CAP2: variants seen among roughly 807,000 people sequenced by gnomAD.
The protein encoded by CAP2 is adenylyl cyclase-associated protein 2.
Under a neutral mutation model 57.7 loss-of-function variants are expected in CAP2, and 24 were observed. The observed-to-expected ratio is 0.42, with a 90% CI of 0.30 to 0.58. CAP2 has a LOEUF of 0.58. Among genes scored for constraint, CAP2 ranks in the 20% least tolerant of loss-of-function variants. The pLI is 0.22. For synonymous variants in CAP2, 194 were observed against 207.2 expected (o/e 0.94, Z 0.55); for missense variants, 501 against 590.3 (o/e 0.85, Z 1.57).
chr6:17,481,444 C>CAA (rs201619310), intron 4 of CAP2, among the ~76,000 whole-genome samples: 34 of 52,908 alleles, frequency 6.4e-4, no homozygotes, highest in African/African-American at 3.2e-3. Flanking sequence ...TTCTAGGAAA[C>CAA]AAAAAAAACT....
intron 3 of CAP2, among the ~76,000 whole-genome samples, chr6:17,443,574 G>GACACACACACACAC (rs3075206): frequency 1.3e-5 from 2 of 150,028 alleles, no homozygotes; most frequent in South Asian, 4.3e-4. Context: ...AAAACACACA[G>GACACACACACACAC]ACACACACAC....
At chr6:17,536,390 C>G (rs568975515) in intron 7 of CAP2, 2 of 433,132 alleles carry the variant, frequency 4.6e-6, no homozygotes, top group Non-Finnish European at 9.3e-6. Flanking sequence ...AACAAGAGCC[C>G]GGTATTGTGC....
At chr6:17,538,913 AC>A (rs1200224598) in intron 7 of CAP2, among the ~76,000 whole-genome samples, 1 of 152,206 alleles carries the variant, frequency 6.6e-6, no homozygotes, top group Non-Finnish European at 1.5e-5. Flanking sequence ...CAATTGGATC[AC>A]TTTTTTCTTG....
rs558142232 is a variant in CAP2 at position 17,476,279 on chromosome 6, T to TA, written c.300+13212dup. ...TGAATTCTAACTGCAGTACAGCTCATAAAAAAGTCTATATCATAACTTACC... is the reference window on the plus strand; with the variant it reads ...TGAATTCTAACTGCAGTACAGCTCATAAAAAAAGTCTATATCATAACTTACC... On this transcript the variant is annotated intron_variant, in intron 4 of 12. Transcript: ENST00000229922. 6.4e-4 allele frequency among the ~76,000 whole-genome samples: 98 copies of TA among 152,344 alleles called. No homozygotes were observed. The East Asian group carries it at 0.018, about 28-fold the overall frequency.
rs141895525 is a variant in CAP2, at chr6:17,494,222, C to T, written c.301-12947C>T. ...AACCACATCATGTTATTCCTCTGCT[C>T]AAAACTCCATGGTGATCTCCGCTTT... On this transcript the variant is annotated intron_variant, in intron 4 of 12. Coordinates refer to ENST00000229922, the MANE Select transcript of CAP2 (RefSeq NM_006366.3). 2.0e-5 allele frequency among the ~76,000 whole-genome samples: 3 copies of T among 152,298 alleles called. No homozygotes were observed. In the East Asian group the frequency reaches 5.8e-4, roughly 29 times the overall value.
intron 1 of CAP2, among the ~76,000 whole-genome samples, chr6:17,410,824 G>T (rs1759125010): frequency 6.6e-6 from 1 of 152,176 alleles, no homozygotes; most frequent in Non-Finnish European, 1.5e-5. Flanking sequence ...CTCCCAAAGT[G>T]CTGGGACTAC....
At chr6:17,454,549 T>A (rs1455079737) in intron 3 of CAP2, among the ~76,000 whole-genome samples, 1 of 152,210 alleles carries the variant, frequency 6.6e-6, no homozygotes, top group Non-Finnish European at 1.5e-5. Flanking sequence ...TAATCTCCCA[T>A]TATCATGGCT....
chr6:17,535,970 C>A (rs1016599614), intron 7 of CAP2, among the ~76,000 whole-genome samples: 5 of 152,120 alleles, frequency 3.3e-5, no homozygotes, highest in African/African-American at 9.7e-5. Context: ...AGGCGTGAGC[C>A]ACCACACCCA....
At chr6:17,407,903 C>A (rs1759025401) in intron 1 of CAP2, among the ~76,000 whole-genome samples, 1 of 152,022 alleles carries the variant, frequency 6.6e-6, no homozygotes, top group Non-Finnish European at 1.5e-5. Context: ...CCTGGCTATT[C>A]CATCACACTT....
intron 3 of CAP2, among the ~76,000 whole-genome samples, chr6:17,462,609 G>C (rs1415858891): frequency 6.6e-6 from 1 of 152,078 alleles, no homozygotes; most frequent in Admixed American, 6.5e-5. Context: ...TGTCTCTATA[G>C]ATTTGCTTCT....
chr6:17,503,242 A>G (rs1313896809), intron 4 of CAP2, among the ~76,000 whole-genome samples: 3 of 152,174 alleles, frequency 2.0e-5, no homozygotes, highest in African/African-American at 7.2e-5. Flanking sequence ...TCCAGGATCA[A>G]GGTGACGGCA....
intron 11 of CAP2, among the ~76,000 whole-genome samples, chr6:17,549,779 G>A (rs1763129376): frequency 6.6e-6 from 1 of 152,150 alleles, no homozygotes; most frequent in Non-Finnish European, 1.5e-5. Flanking sequence ...CTAAGGAAGT[G>A]AAACAATGAG....
intron 7 of CAP2, among the ~76,000 whole-genome samples, chr6:17,519,820 A>G (rs973366451): frequency 6.6e-6 from 1 of 152,206 alleles, no homozygotes; most frequent in African/African-American, 2.4e-5. Flanking sequence ...AATGCAGACT[A>G]TTATCCTGTT....
chr6:17,424,032 C>T (rs1759513542), intron 2 of CAP2, among the ~76,000 whole-genome samples: 1 of 152,118 alleles, frequency 6.6e-6, no homozygotes, highest in Admixed American at 6.5e-5. Flanking sequence ...CAACCTTTTA[C>T]CTTACATGTA....
At chr6:17,509,420 G>T (rs888437419) in intron 6 of CAP2, among the ~76,000 whole-genome samples, 7 of 152,142 alleles carry the variant, frequency 4.6e-5, no homozygotes, top group African/African-American at 1.7e-4. Context: ...GCTCACTCCT[G>T]TAATCCCAGC....
intron 4 of CAP2, among the ~76,000 whole-genome samples, chr6:17,480,801 G>A (rs965405073): frequency 6.9e-6 from 1 of 144,830 alleles, no homozygotes; most frequent in Non-Finnish European, 1.5e-5. Context: ...TTGAGACAGA[G>A]TTTGCTCTTT....
In CAP2 at chr6:17,405,201, G is replaced by A. The variant is rs918510366; in HGVS notation, c.-2+11455G>A. On this transcript the variant is annotated intron_variant, in intron 1 of 12. Transcript: ENST00000229922. ...ATTCGAGATCAGCCTGGCCAACATG[G>A]TGAAACCCCAACTCTACTAAAAATA... Among the ~76,000 whole-genome samples, 7 of 152,242 alleles carry A rather than the reference G, an allele frequency of 4.6e-5. No homozygotes were observed. In the South Asian group the frequency reaches 6.2e-4, roughly 14 times the overall value.
Position 17,513,370 on chromosome 6 carries a change from G to A in CAP2, c.531-479G>A. On this transcript the variant is annotated intron_variant, in intron 6 of 12. Transcript: ENST00000229922. This position sits in a 1 kb window ranked among gnomAD's most constrained non-coding sequence, Gnocchi z 4.3. ...ATAATGGCTAAAATTCTCCAATTTG[G>A]TTATACTTTTAACCAAATAATTCAA... Among the ~76,000 whole-genome samples, 1 of 151,974 alleles carries A rather than the reference G, an allele frequency of 6.6e-6. No homozygotes were observed. Among genetic ancestry groups the A allele is most frequent in the East Asian group, 1.9e-4 (1 of 5,192 alleles).
chr6:17,420,404 C>T (rs547777450), intron 1 of CAP2, among the ~76,000 whole-genome samples: 20 of 152,288 alleles, frequency 1.3e-4, no homozygotes, highest in East Asian at 9.6e-4. Context: ...AACAGAAACA[C>T]CAAAACAAAC....
Sources: gnomAD v4.1 joint callset for allele counts (sites outside exome capture counted in the v4.1 genomes callset) on GRCh38, gnomAD v4.1.1 for gene constraint, Gnocchi (gnomAD v3.1) non-coding constraint, MANE v1.5 for transcripts, NCBI Gene and HGNC (gene_info 2026-07-23, HGNC 2026-07-21) for gene names.